GLRA2: variants seen among roughly 807,000 people sequenced by gnomAD.
GLRA2 encodes glycine receptor subunit alpha-2.
GLRA2 carries 11 observed loss-of-function variants against 31.6 expected under a neutral mutation model. The ratio of observed to expected loss-of-function variants is 0.35; its 90% CI spans 0.22 to 0.58. The LOEUF is 0.58. Ranked by LOEUF, GLRA2 falls within the 20% of genes least tolerant of loss-of-function variation. The pLI is 0.84. For synonymous variants in GLRA2, 132 were observed against 134.0 expected (o/e 0.99, Z 0.10); for missense variants, 212 against 351.8 (o/e 0.60, Z 3.18).
At chrX:14,460,750 C>T in the GLRA2 span, among the ~76,000 whole-genome samples, 1 of 111,330 alleles carries the variant, frequency 9.0e-6, no homozygotes, top group Non-Finnish European at 1.9e-5. Context: ...CTTCTCTTTT[C>T]CTCTTTATTA....
chrX:14,561,879 G>T (rs777779155), intron 2 of GLRA2, among the ~76,000 whole-genome samples: 50 of 111,764 alleles, frequency 4.5e-4, no homozygotes, highest in African/African-American at 1.3e-3. Context: ...TTAGTCCTTT[G>T]AATAGTTCTA....
chrX:14,595,433 A>G (rs2090191121), intron 4 of GLRA2, among the ~76,000 whole-genome samples: 1 of 112,013 alleles, frequency 8.9e-6, no homozygotes. Flanking sequence ...CCCAGGTGCC[A>G]AGCTCAGGGC....
chrX:14,726,553 T>C (rs2091930946), intron 8 of GLRA2, among the ~76,000 whole-genome samples: 1 of 112,481 alleles, frequency 8.9e-6, no homozygotes. Flanking sequence ...ATGAGGAAAG[T>C]ATTTTCAAGC....
chrX:14,503,635 A>G, the GLRA2 span, among the ~76,000 whole-genome samples: 1 of 111,683 alleles, frequency 9.0e-6, no homozygotes, highest in Non-Finnish European at 1.9e-5. Flanking sequence ...AACAGCCAGC[A>G]TTCTTCAAGG....
At chrX:14,657,645 A>G (rs1392289079) in intron 7 of GLRA2, among the ~76,000 whole-genome samples, 3 of 112,393 alleles carry the variant, frequency 2.7e-5, no homozygotes, top group Non-Finnish European at 5.6e-5. Context: ...TTTGTTTCAG[A>G]TATCATGGTT....
chrX:14,707,741 C>T (rs2091646812), intron 8 of GLRA2, among the ~76,000 whole-genome samples: 1 of 91,371 alleles, frequency 1.1e-5, no homozygotes, highest in Non-Finnish European at 2.2e-5. Flanking sequence ...TGTTTTCCTA[C>T]TTTGACAGCA....
rs1166744903 is a variant in GLRA2 at position 14,730,865 on chromosome X, T to G, written c.*380T>G. On this transcript the variant is annotated 3_prime_UTR_variant, in exon 9 of 9. Transcript: ENST00000218075. Reference sequence around the variant, plus strand: ...CCTTTTGGTTTGGTTTGGCTTTGACTAATTCTGGTACTGAAAAGTTAGCTA... The same window carrying G: ...CCTTTTGGTTTGGTTTGGCTTTGACGAATTCTGGTACTGAAAAGTTAGCTA... 5.9e-6 allele frequency: 1 copy of G among 168,264 alleles called. No homozygotes were observed. The highest frequency in any genetic ancestry group is 3.2e-5 in the African/African-American group (1 of 31,696). 13.9% of individuals were successfully genotyped at this position (168,264 alleles called of 1,213,427 possible). A position where few individuals can be genotyped will look rare whatever the true frequency, so the allele number is the denominator to read the frequency against.
At chrX:14,486,522 C>T in the GLRA2 span, among the ~76,000 whole-genome samples, 1 of 111,133 alleles carries the variant, frequency 9.0e-6, no homozygotes, top group Non-Finnish European at 1.9e-5. Context: ...TAAAAATATC[C>T]CATAAATCAA....
intron 7 of GLRA2, among the ~76,000 whole-genome samples, chrX:14,622,115 T>A (rs1471384677): frequency 1.2e-4 from 13 of 112,694 alleles, no homozygotes; most frequent in Non-Finnish European, 2.1e-4. Context: ...TGGCCAGTGA[T>A]GATGAGCATT....
chrX:14,681,612 C>T (rs759169835), intron 7 of GLRA2, among the ~76,000 whole-genome samples: 70 of 109,660 alleles, frequency 6.4e-4, no homozygotes, highest in African/African-American at 2.2e-3. Context: ...TATAACTGGC[C>T]GGGCACAGTG....
chrX:14,523,179 T>G, the GLRA2 span, among the ~76,000 whole-genome samples: 1 of 112,305 alleles, frequency 8.9e-6, no homozygotes, highest in South Asian at 3.7e-4. Context: ...TCGAGCACGT[T>G]GCATTTTTAT....
At chrX:14,707,102 T>G (rs768730861) in intron 8 of GLRA2, among the ~76,000 whole-genome samples, 14 of 112,074 alleles carry the variant, frequency 1.2e-4, no homozygotes, top group Admixed American at 2.8e-4. Context: ...TCAATATGTT[T>G]CATTACAGCA....
intron 2 of GLRA2, among the ~76,000 whole-genome samples, chrX:14,544,164 T>G (rs1393496461): frequency 8.9e-6 from 1 of 111,949 alleles, no homozygotes; most frequent in Non-Finnish European, 1.9e-5. Flanking sequence ...GCAGTCTATT[T>G]TTCTCCTGCT....
Position 14,546,652 on chromosome X carries a change from G to A in GLRA2, c.202+14280G>A, listed in dbSNP as rs971304831. ...AACTGGGTTTGCAAATGGCTCCTGGGTAAAAAGTATTCTATAGCACCTCCA... is the reference window on the plus strand; with the variant it reads ...AACTGGGTTTGCAAATGGCTCCTGGATAAAAAGTATTCTATAGCACCTCCA... On this transcript the variant is annotated intron_variant, in intron 2 of 8. Coordinates refer to ENST00000218075, the MANE Select transcript of GLRA2 (RefSeq NM_002063.4). 7.3e-5 allele frequency among the ~76,000 whole-genome samples: 8 copies of A among 109,345 alleles called. No homozygotes were observed. In the East Asian group the frequency reaches 2.0e-3, roughly 28 times the overall value. 95.0% of individuals were successfully genotyped at this position (109,345 alleles called of 115,157 possible).
chrX:14,474,242 T>C, the GLRA2 span, among the ~76,000 whole-genome samples: 1 of 111,645 alleles, frequency 9.0e-6, no homozygotes, highest in Non-Finnish European at 1.9e-5. Context: ...CAATCTCTCA[T>C]GTATGGTCAG....
At chrX:14,726,290 A>C (rs969946117) in intron 8 of GLRA2, among the ~76,000 whole-genome samples, 5 of 112,264 alleles carry the variant, frequency 4.5e-5, no homozygotes, top group African/African-American at 1.6e-4. Flanking sequence ...AATTGGTTGC[A>C]GTTATGTTTT....
chrX:14,638,305 T>C (rs1462714960), intron 7 of GLRA2, among the ~76,000 whole-genome samples: 1 of 111,094 alleles, frequency 9.0e-6, no homozygotes, highest in Non-Finnish European at 1.9e-5. Context: ...ATTATAACTT[T>C]TGCCATATCT....
the GLRA2 span, among the ~76,000 whole-genome samples, chrX:14,493,615 A>T: frequency 3.8e-3 from 384 of 100,008 alleles, 2 homozygotes; most frequent in African/African-American, 0.014. Context: ...ACATATACAC[A>T]TATATACACA....
chrX:14,480,144 TTGTC>T, the GLRA2 span, among the ~76,000 whole-genome samples: 122 of 112,205 alleles, frequency 1.1e-3, 1 homozygote, highest in Non-Finnish European at 6.2e-4. Context: ...TATTTCATGT[TTGTC>T]TGTGTATATG....
Sources: allele counts gnomAD v4.1 joint callset (sites outside exome capture counted in the v4.1 genomes callset), GRCh38; gene constraint gnomAD v4.1.1; transcripts MANE v1.5; gene names NCBI Gene and HGNC (gene_info 2026-07-23, HGNC 2026-07-21).